The following ZZEF1 variants were observed in gnomAD, a reference collection of about 807,000 sequenced individuals.
ZZEF1 encodes zinc finger ZZ-type and EF-hand domain-containing protein 1.
Under a neutral mutation model 342.8 loss-of-function variants are expected in ZZEF1, and 157 were observed. That is an observed-to-expected ratio of 0.46 (90% confidence interval 0.40 to 0.52). ZZEF1 has a LOEUF of 0.52. Ranked by LOEUF, ZZEF1 falls within the 20% of genes least tolerant of loss-of-function variation. ZZEF1 has a pLI of 0.00. For synonymous variants in ZZEF1, 1,505 were observed against 1,429.1 expected (o/e 1.05, Z -1.20); for missense variants, 3,480 against 3,725.6 (o/e 0.93, Z 1.72).
At chr17:4,007,014 C>T in intron 54 of ZZEF1, 44 bp from the exon 55 acceptor site, 1 of 1,510,612 alleles carries the variant, frequency 6.6e-7, no homozygotes, top group Non-Finnish European at 9.0e-7. Flanking sequence ...GGAGCCACTC[C>T]CTCATTCAGT....
At chr17:4,108,843 A>G (rs1209493397) in intron 6 of ZZEF1, among the ~76,000 whole-genome samples, 1 of 152,260 alleles carries the variant, frequency 6.6e-6, no homozygotes, top group Non-Finnish European at 1.5e-5. Context: ...CCTTCAGAGC[A>G]GCAGTGTTAT....
intron 26 of ZZEF1, among the ~76,000 whole-genome samples, chr17:4,068,371 G>C (rs544722354): frequency 6.6e-6 from 1 of 152,000 alleles, no homozygotes; most frequent in Non-Finnish European, 1.5e-5. Flanking sequence ...TCTGCCTCCC[G>C]GGTTCAAGCA....
At chr17:4,012,131 A>AG (rs1234227300) in intron 52 of ZZEF1, among the ~76,000 whole-genome samples, 2 of 152,232 alleles carry the variant, frequency 1.3e-5, no homozygotes, top group Non-Finnish European at 2.9e-5. Flanking sequence ...GCAGGCAAGA[A>AG]GGGCCCACCA....
At chr17:4,026,780 A>G (rs2145017642) in intron 42 of ZZEF1, among the ~76,000 whole-genome samples, 1 of 152,184 alleles carries the variant, frequency 6.6e-6, no homozygotes, top group East Asian at 1.9e-4. Context: ...TCAGCCTCCC[A>G]AAGTGCTGGG....
At chr17:4,033,107 TCA>T in intron 40 of ZZEF1, 105 bp from the exon 41 acceptor site, 1 of 1,115,962 alleles carries the variant, frequency 9.0e-7, no homozygotes, top group Non-Finnish European at 1.2e-6. Context: ...AAAGAGCCAT[TCA>T]TTAACTAGCT....
In ZZEF1 at chr17:4,124,034, A is replaced by T; in HGVS notation, c.372T>A (p.Asp124Glu). ...CATCAACTGTCCCATCACCCTCAGC[A>T]TCAAACTGGGCAAAGGCCTACAAGA... is the stretch of plus-strand genomic sequence containing the variant. The part of the protein sequence containing the change: ...EQFEEAFAQF[D>E]AEGDGTVDAE... The change falls in exon 2 of 55, where the codon GAT becomes GAA. Residue 124 changes from aspartate to glutamate, a missense_variant. Around this residue, in one of 5 missense-constraint regions of ZZEF1, gnomAD observed 416 missense variants for 374.2 expected, o/e 1.11. Transcript: ENST00000381638. 1 of 1,613,690 alleles carries T rather than the reference A, an allele frequency of 6.2e-7. No individual in the cohort carries two copies. Among genetic ancestry groups the T allele is most frequent in the Non-Finnish European group, 8.5e-7 (1 of 1,179,830 alleles).
chr17:4,080,662 T>TTACAGGCATGAGCCACTGTGAC (rs2057706721), intron 18 of ZZEF1, among the ~76,000 whole-genome samples: 1 of 152,118 alleles, frequency 6.6e-6, no homozygotes. Context: ...AGTGCTGGGA[T>TTACAGGCATGAGCCACTGTGAC]TACAGGCATG....
At chr17:4,076,086 C>T (rs1373620855) in intron 21 of ZZEF1, 1 of 151,554 alleles carries the variant, frequency 6.6e-6, no homozygotes. Context: ...ATAACTTCAT[C>T]AACTATAAAA....
chr17:4,031,432 G>A (rs980474837), intron 42 of ZZEF1, among the ~76,000 whole-genome samples: 1 of 152,136 alleles, frequency 6.6e-6, no homozygotes, highest in African/African-American at 2.4e-5. Context: ...TAAATAGACA[G>A]ATACATGTGT....
chr17:4,112,138 T>C (rs1168602037), intron 5 of ZZEF1, among the ~76,000 whole-genome samples: 1 of 129,756 alleles, frequency 7.7e-6, no homozygotes, highest in Non-Finnish European at 1.7e-5. Context: ...ACTGTTCTTC[T>C]ATAATTTCCT....
Position 4,006,786 on chromosome 17 carries a change from A to C in ZZEF1, c.*104T>G. ...CCTAACTGGAGTGGTCAGCTCAAGG[A>C]GAGCTGGGCACTGGCGCTACAGGAG... On this transcript the variant is annotated 3_prime_UTR_variant, in exon 55 of 55. Transcript: ENST00000381638. 54 of 1,234,286 alleles carry C rather than the reference A, an allele frequency of 4.4e-5. No homozygotes were observed. Among genetic ancestry groups the C allele is most frequent in the Non-Finnish European group, 5.2e-5 (45 of 859,990 alleles). 76.5% of individuals were successfully genotyped at this position (1,234,286 alleles called of 1,614,324 possible).
intron 30 of ZZEF1, among the ~76,000 whole-genome samples, chr17:4,061,778 A>G (rs1462907410): frequency 1.3e-5 from 2 of 151,462 alleles, no homozygotes; most frequent in Non-Finnish European, 2.9e-5. Flanking sequence ...TACCTCTAAA[A>G]TGCATTCTGA....
intron 31 of ZZEF1, among the ~76,000 whole-genome samples, chr17:4,058,871 C>T (rs947229871): frequency 7.2e-5 from 11 of 152,082 alleles, no homozygotes; most frequent in Admixed American, 6.6e-4. Context: ...ATGAGGCCGT[C>T]TCAAAACAAA....
intron 9 of ZZEF1, among the ~76,000 whole-genome samples, chr17:4,101,939 C>T (rs1481310554): frequency 1.3e-5 from 2 of 151,994 alleles, no homozygotes; most frequent in Non-Finnish European, 2.9e-5. Context: ...CTGGAAATAC[C>T]CTTCTTAAAC....
At chr17:4,042,263 A>T (rs539734308) in intron 39 of ZZEF1, among the ~76,000 whole-genome samples, 166 bp downstream of exon 39, 1 of 152,330 alleles carries the variant, frequency 6.6e-6, no homozygotes, top group Non-Finnish European at 1.5e-5. Flanking sequence ...ACACACACAT[A>T]TATATTTACA....
chr17:4,028,537 A>C (rs2056467729), intron 42 of ZZEF1, among the ~76,000 whole-genome samples: 1 of 148,474 alleles, frequency 6.7e-6, no homozygotes, highest in South Asian at 2.2e-4. Flanking sequence ...TGATGGAGTA[A>C]GACTCTGTCT....
rs543966642 is a variant in ZZEF1, at chr17:4,085,542, G to A, written c.2646+128C>T. On this transcript the variant is annotated intron_variant, in intron 16 of 54. Coordinates refer to ENST00000381638, the MANE Select transcript of ZZEF1 (RefSeq NM_015113.4). The stretch of plus-strand genomic sequence containing the variant: ...TCCTTAGATATCTGTCCCACACAAA[G>A]CTCTGCATATAATATTAATACACAT... 1.5e-4 allele frequency: 171 copies of A among 1,155,044 alleles called. 1 individual carries two copies. Among genetic ancestry groups the A allele is most frequent in the Non-Finnish European group, 1.8e-4 (150 of 820,560 alleles). 71.5% of individuals were successfully genotyped at this position (1,155,044 alleles called of 1,614,324 possible).
Position 4,123,958 on chromosome 17 carries a change from C to T in ZZEF1, c.448G>A (p.Gly150Arg). The T allele has an allele frequency of 6.2e-7, 1 of 1,613,932 alleles. No individual in the cohort carries two copies. The highest frequency in any genetic ancestry group is 8.5e-7 in the Non-Finnish European group (1 of 1,179,994). Residue 150 changes from glycine (G) to arginine (R), a missense_variant, in exon 2 of 55, where the codon GGG becomes AGG. Transcript: ENST00000381638. ...TGTCTGATGATGTGGCTCAGCTCCCCCTGAAGATTAGCTCCACTGGAATTC... is the reference window on the plus strand; with the variant it reads ...TGTCTGATGATGTGGCTCAGCTCCCTCTGAAGATTAGCTCCACTGGAATTC... ...LKNSSGANLQ[G>R]ELSHIIRQLQ... is the part of the protein sequence containing the mutation.
At chr17:4,045,467 A>C (rs2056893538) in intron 37 of ZZEF1, among the ~76,000 whole-genome samples, 1 of 152,210 alleles carries the variant, frequency 6.6e-6, no homozygotes, top group Non-Finnish European at 1.5e-5. Flanking sequence ...TTACAGAATA[A>C]TTAGAAAATT....
Sources: gnomAD v4.1 joint callset for allele counts (sites outside exome capture counted in the v4.1 genomes callset) on GRCh38, gnomAD v4.1.1 for gene constraint, gnomAD v4.1.1 regional missense constraint, MANE v1.5 for transcripts, NCBI Gene and HGNC (gene_info 2026-07-23, HGNC 2026-07-21) for gene names.